PPM1E: variants seen among roughly 807,000 people sequenced by gnomAD.
PPM1E encodes protein phosphatase 1E.
Under a neutral mutation model 65.9 loss-of-function variants are expected in PPM1E, and 20 were observed. The observed-to-expected ratio is 0.30, with a 90% confidence interval of 0.21 to 0.44. The LOEUF (loss-of-function observed/expected upper bound fraction) is 0.44. PPM1E is among the 20% of genes least tolerant of loss of function. PPM1E has a pLI of 1.00. For synonymous variants in PPM1E, 352 were observed against 374.9 expected (o/e 0.94, Z 0.70); for missense variants, 713 against 953.1 (o/e 0.75, Z 3.32).
chr17:58,866,589 CTCATTGTAAATGCTG>C (rs57543170), intron 1 of PPM1E, among the ~76,000 whole-genome samples: 45,357 of 151,972 alleles, frequency 0.3, 7,213 homozygotes, highest in Middle Eastern at 0.48. Flanking sequence ...GTAATAACCA[CTCATTGTAAATGCTG>C]TCATTGTAAA....
chr17:58,947,108 CTGTTT>C (rs2052163134), intron 1 of PPM1E, among the ~76,000 whole-genome samples: 1 of 67,834 alleles, frequency 1.5e-5, no homozygotes, highest in African/African-American at 6.0e-5. Flanking sequence ...TTCCTTTTTC[CTGTTT>C]TTTTTTTTTT....
At chr17:58,847,072 T>A (rs2050779085) in intron 1 of PPM1E, among the ~76,000 whole-genome samples, 1 of 152,246 alleles carries the variant, frequency 6.6e-6, no homozygotes. Flanking sequence ...TGTCTTTTTT[T>A]GAGAAGTGTC....
At chr17:58,761,231 T>C (rs375871577) in intron 1 of PPM1E, among the ~76,000 whole-genome samples, 1 of 152,334 alleles carries the variant, frequency 6.6e-6, no homozygotes, top group East Asian at 1.9e-4. Flanking sequence ...CTCCAGAGGT[T>C]AGGCTGATAC....
intron 1 of PPM1E, among the ~76,000 whole-genome samples, chr17:58,794,964 C>T (rs936753767): frequency 1.3e-5 from 2 of 149,822 alleles, no homozygotes; most frequent in African/African-American, 2.5e-5. Flanking sequence ...TCTTGGCTCA[C>T]TGCAACTTCC....
intron 3 of PPM1E, among the ~76,000 whole-genome samples, chr17:58,968,627 A>G (rs2030406564): frequency 6.6e-6 from 1 of 152,150 alleles, no homozygotes; most frequent in Non-Finnish European, 1.5e-5. Context: ...TTGCAAATGA[A>G]AATTATTACA....
chr17:58,875,321 A>G (rs2051116504), intron 1 of PPM1E, among the ~76,000 whole-genome samples: 1 of 152,220 alleles, frequency 6.6e-6, no homozygotes, highest in South Asian at 2.1e-4. Context: ...AATGAAAGAA[A>G]GCACAGATTG....
chr17:58,941,432 C>G (rs544849969), intron 1 of PPM1E, among the ~76,000 whole-genome samples: 1 of 152,066 alleles, frequency 6.6e-6, no homozygotes, highest in South Asian at 2.1e-4. Context: ...CAGTGGCTCA[C>G]GCCTGTAATC....
chr17:58,786,204 C>T (rs1044193982), intron 1 of PPM1E, among the ~76,000 whole-genome samples: 25 of 151,910 alleles, frequency 1.6e-4, no homozygotes, highest in South Asian at 4.1e-4. Context: ...TTAGTAGAGA[C>T]GGGGTTTCAC....
chr17:58,978,677 C>T (rs2031174653), intron 6 of PPM1E, among the ~76,000 whole-genome samples: 1 of 152,142 alleles, frequency 6.6e-6, no homozygotes, highest in African/African-American at 2.4e-5. Flanking sequence ...TGCCACTGCA[C>T]TCCAGCCTGG....
chr17:58,847,814 A>G (rs2050787026), intron 1 of PPM1E, among the ~76,000 whole-genome samples: 1 of 152,166 alleles, frequency 6.6e-6, no homozygotes, highest in African/African-American at 2.4e-5. Context: ...GAAGAAAGTC[A>G]TTGGTAGTTT....
At chr17:58,837,663 A>AT (rs1215890988) in intron 1 of PPM1E, among the ~76,000 whole-genome samples, 1 of 151,866 alleles carries the variant, frequency 6.6e-6, no homozygotes, top group African/African-American at 2.4e-5. Context: ...ACTCCCGGCC[A>AT]TTTTTTGTAT....
In PPM1E at chr17:58,756,096, G is replaced by GAACCC; in HGVS notation, c.99_100insAACCC (p.Glu34AsnfsTer23). 1.3e-6 allele frequency: 2 copies of GAACCC among 1,597,604 alleles called. No individual in the cohort carries two copies. Among genetic ancestry groups the GAACCC allele is most frequent in the Non-Finnish European group, 1.7e-6 (2 of 1,172,028 alleles). ...CGTGCGGCGGCGGCGAGCCGGAGCC[G>GAACCC]GAACCCGAACCCGAACCCGAACCCG... is the stretch of plus-strand genomic sequence containing the variant. On this transcript the variant is annotated frameshift_variant, in exon 1 of 7. Coordinates refer to ENST00000308249, the MANE Select transcript of PPM1E (RefSeq NM_014906.5). LOFTEE classifies it high-confidence loss of function.
intron 1 of PPM1E, among the ~76,000 whole-genome samples, chr17:58,846,261 A>G (rs1252142519): frequency 6.6e-6 from 1 of 151,720 alleles, no homozygotes; most frequent in Non-Finnish European, 1.5e-5. Flanking sequence ...ACTATTTTAC[A>G]TTTTCTTTCT....
At chr17:58,797,930 A>T (rs544430089) in intron 1 of PPM1E, among the ~76,000 whole-genome samples, 1 of 152,176 alleles carries the variant, frequency 6.6e-6, no homozygotes, top group African/African-American at 2.4e-5. Flanking sequence ...ACACTTGTGT[A>T]TTGAGGACAA....
chr17:58,950,765 T>A (rs6503888), intron 1 of PPM1E, among the ~76,000 whole-genome samples: 1 of 149,760 alleles, frequency 6.7e-6, no homozygotes, highest in Non-Finnish European at 1.5e-5. Flanking sequence ...GCTCTAAGAT[T>A]CCTGTTTGGT....
At chr17:58,911,843 C>CT (rs898825131) in intron 1 of PPM1E, among the ~76,000 whole-genome samples, 3 of 152,218 alleles carry the variant, frequency 2.0e-5, no homozygotes, top group South Asian at 2.1e-4. Context: ...TAAGAAGGTA[C>CT]TTTTTTTAAG....
chr17:58,963,397 A>G (rs572749243), intron 2 of PPM1E, among the ~76,000 whole-genome samples: 48 of 149,910 alleles, frequency 3.2e-4, no homozygotes, highest in African/African-American at 1.2e-3. Flanking sequence ...CAAAAAAAAA[A>G]AAAAAACTTG....
intron 1 of PPM1E, among the ~76,000 whole-genome samples, chr17:58,786,793 T>G (rs941886658): frequency 6.6e-6 from 1 of 152,236 alleles, no homozygotes; most frequent in Non-Finnish European, 1.5e-5. Context: ...AATGTTCATC[T>G]GCAGTTTATA....
chr17:58,852,083 C>A (rs2050832044), intron 1 of PPM1E, among the ~76,000 whole-genome samples: 1 of 152,184 alleles, frequency 6.6e-6, no homozygotes, highest in African/African-American at 2.4e-5. Context: ...CCAAGCCAGG[C>A]ATGGGATATA....
Sources: allele counts gnomAD v4.1 joint callset (sites outside exome capture counted in the v4.1 genomes callset), GRCh38; gene constraint gnomAD v4.1.1; transcripts MANE v1.5; gene names NCBI Gene and HGNC (gene_info 2026-07-23, HGNC 2026-07-21).